Variants in TSHZ2 observed in about 807,000 individuals in gnomAD.
TSHZ2 encodes teashirt zinc finger homeobox 2.
TSHZ2 carries 21 observed loss-of-function variants against 74.4 expected under a neutral mutation model. The ratio of observed to expected loss-of-function variants is 0.28; its 90% CI spans 0.20 to 0.41. The LOEUF (loss-of-function observed/expected upper bound fraction) is 0.41, where lower values mean the gene tolerates loss of function less well. Ranked by LOEUF, TSHZ2 falls within the 10% of genes least tolerant of loss-of-function variation. TSHZ2 has a pLI of 1.00. For missense variants in TSHZ2, 1,244 were observed against 1,293.5 expected (o/e 0.96, Z 0.59); for synonymous variants, 540 against 515.3 (o/e 1.05, Z -0.65).
chr20:53,198,818 T>G (rs1386546145), intron 1 of TSHZ2, among the ~76,000 whole-genome samples: 3 of 152,232 alleles, frequency 2.0e-5, no homozygotes, highest in African/African-American at 4.8e-5. Flanking sequence ...TTGGGCATGT[T>G]AAGGCTTGAA....
At chr20:53,468,688 C>CAAAAAAAAAAAA (rs1158529552) in intron 2 of TSHZ2, among the ~76,000 whole-genome samples, 26 of 65,284 alleles carry the variant, frequency 4.0e-4, no homozygotes, top group East Asian at 1.1e-3. Context: ...CATTACGAGA[C>CAAAAAAAAAAAA]AAAAAAAAAA....
intron 1 of TSHZ2, among the ~76,000 whole-genome samples, chr20:53,126,878 G>A (rs1048801643): frequency 2.0e-5 from 3 of 152,180 alleles, no homozygotes; most frequent in African/African-American, 7.2e-5. Context: ...CATCAGGAAG[G>A]GGAAGTGAAG....
intron 1 of TSHZ2, among the ~76,000 whole-genome samples, chr20:53,117,036 A>C (rs1986688994): frequency 6.6e-6 from 1 of 152,018 alleles, no homozygotes; most frequent in African/African-American, 2.4e-5. Context: ...AGGAAAAGGG[A>C]GAGAAAGAGA....
chr20:53,446,407 C>CAA (rs34010689), intron 2 of TSHZ2, among the ~76,000 whole-genome samples: 12 of 127,466 alleles, frequency 9.4e-5, no homozygotes, highest in African/African-American at 1.7e-4. Context: ...ACTAAAAATA[C>CAA]AAAAAAAAAA....
chr20:53,118,487 G>A (rs1986728589), intron 1 of TSHZ2, among the ~76,000 whole-genome samples: 1 of 152,172 alleles, frequency 6.6e-6, no homozygotes, highest in South Asian at 2.1e-4. Context: ...TGAGTGGAGG[G>A]AGGGTGTGAT....
intron 1 of TSHZ2, among the ~76,000 whole-genome samples, chr20:53,145,293 G>A (rs562138947): frequency 5.3e-4 from 81 of 152,296 alleles, no homozygotes; most frequent in African/African-American, 1.9e-3. Context: ...GGGCCTGATA[G>A]AAATCCCATG....
chr20:53,384,755 T>C (rs1414861051), intron 2 of TSHZ2, among the ~76,000 whole-genome samples: 1 of 152,246 alleles, frequency 6.6e-6, no homozygotes, highest in Non-Finnish European at 1.5e-5. Flanking sequence ...GTATCCTCAG[T>C]GGTTTTTTTA....
intron 1 of TSHZ2, among the ~76,000 whole-genome samples, chr20:53,042,869 G>A (rs1419751128): frequency 6.6e-6 from 1 of 152,146 alleles, no homozygotes; most frequent in East Asian, 1.9e-4. Context: ...GTGCAAGGAT[G>A]TAAATATAAA....
At chr20:53,452,810 A>G (rs1385582100) in intron 2 of TSHZ2, among the ~76,000 whole-genome samples, 1 of 152,182 alleles carries the variant, frequency 6.6e-6, no homozygotes, top group Non-Finnish European at 1.5e-5. Flanking sequence ...CTACTCAGAC[A>G]TGAGTTCTGC....
At chr20:53,085,926 C>G (rs976769012) in intron 1 of TSHZ2, among the ~76,000 whole-genome samples, 3 of 152,188 alleles carry the variant, frequency 2.0e-5, no homozygotes, top group Non-Finnish European at 4.4e-5. Context: ...TCTCAAAGTT[C>G]TCCTCTCCAG....
intron 1 of TSHZ2, among the ~76,000 whole-genome samples, chr20:53,150,200 G>A (rs8118210): frequency 1.3e-5 from 2 of 152,092 alleles, no homozygotes; most frequent in Non-Finnish European, 2.9e-5. Flanking sequence ...GCAAAGCTGG[G>A]ATTCAAATCT....
intron 2 of TSHZ2, among the ~76,000 whole-genome samples, chr20:53,431,640 AT>A (rs1983853734): frequency 6.6e-6 from 1 of 152,202 alleles, no homozygotes; most frequent in African/African-American, 2.4e-5. Context: ...AGGAATTATT[AT>A]TATTCCCATT....
chr20:53,179,605 AC>A (rs112590804), intron 1 of TSHZ2: 12 of 152,102 alleles, frequency 7.9e-5, no homozygotes, highest in African/African-American at 2.9e-4. Context: ...GACAGGTATT[AC>A]CTCTTGACTC....
At chr20:53,351,595 A>C (rs1980648660) in intron 2 of TSHZ2, among the ~76,000 whole-genome samples, 1 of 152,240 alleles carries the variant, frequency 6.6e-6, no homozygotes, top group Non-Finnish European at 1.5e-5. Flanking sequence ...AATTCTAAAA[A>C]TGGCCTCTGA....
chr20:53,190,423 G>A (rs1318165417), intron 1 of TSHZ2, among the ~76,000 whole-genome samples: 1 of 151,796 alleles, frequency 6.6e-6, no homozygotes, highest in South Asian at 2.1e-4. Context: ...CCCTCTAGTG[G>A]TTCTAATGAT....
chr20:53,096,778 A>G (rs1368570434), intron 1 of TSHZ2, among the ~76,000 whole-genome samples: 1 of 151,958 alleles, frequency 6.6e-6, no homozygotes, highest in East Asian at 1.9e-4. Context: ...GCTGCTCAGG[A>G]GGCTGAGGCA....
intron 2 of TSHZ2, among the ~76,000 whole-genome samples, chr20:53,435,073 G>C (rs1417055375): frequency 6.6e-6 from 1 of 152,214 alleles, no homozygotes; most frequent in Non-Finnish European, 1.5e-5. Flanking sequence ...CAACAAAAAA[G>C]ACAGGAAGCT....
chr20:53,357,893 C>T (rs1005310100), intron 2 of TSHZ2, among the ~76,000 whole-genome samples: 2 of 152,108 alleles, frequency 1.3e-5, no homozygotes, highest in Non-Finnish European at 2.9e-5. Context: ...CAACTGCATA[C>T]AAATAGAAGA....
chr20:53,472,609 C>T (rs1568933482), intron 2 of TSHZ2, among the ~76,000 whole-genome samples: 1 of 152,130 alleles, frequency 6.6e-6, no homozygotes, highest in Non-Finnish European at 1.5e-5. Flanking sequence ...AGTTTCAGAA[C>T]TGGAAGATGC....
Sources: allele counts gnomAD v4.1 joint callset (sites outside exome capture counted in the v4.1 genomes callset), GRCh38; gene constraint gnomAD v4.1.1; transcripts MANE v1.5; gene names NCBI Gene and HGNC (gene_info 2026-07-23, HGNC 2026-07-21).